Variants in ESPL1 observed in about 807,000 individuals in gnomAD.
ESPL1 encodes extra spindle pole bodies like 1, separase.
Under a neutral mutation model 217.2 loss-of-function variants are expected in ESPL1, and 50 were observed. That is an observed-to-expected ratio of 0.23 (90% confidence interval 0.18 to 0.29). The LOEUF is 0.29. Ranked by LOEUF, ESPL1 falls within the 10% of genes least tolerant of loss-of-function variation. The pLI, the probability that ESPL1 is intolerant of heterozygous loss-of-function variation, is 1.00. For missense variants in ESPL1, 1,834 were observed against 2,603.0 expected (o/e 0.70, Z 6.43); for synonymous variants, 994 against 1,081.3 (o/e 0.92, Z 1.58).
In ESPL1 at chr12:53,289,585, A is replaced by G. The variant is rs1565764756; in HGVS notation, c.5104A>G (p.Ile1702Val). The change falls in exon 22 of 31, where the codon ATC becomes GTC. Residue 1702 changes from isoleucine to valine, a missense_variant. Coordinates refer to ENST00000257934, the MANE Select transcript of ESPL1 (RefSeq NM_012291.5). ...GAGTTTCCAGGAGCGCCTGGCTCTGATCCCCAGTGGTATGCGGGCAGCCTT... is the reference window on the plus strand; with the variant it reads ...GAGTTTCCAGGAGCGCCTGGCTCTGGTCCCCAGTGGTATGCGGGCAGCCTT... ...KESFQERLALIPSGVTVCVLA... is the reference protein window; with the variant it reads ...KESFQERLALVPSGVTVCVLA... 1 of 1,613,498 alleles carries G rather than the reference A, an allele frequency of 6.2e-7. No individual in the cohort carries two copies.
Position 53,269,003 on chromosome 12 carries a change from C to G in ESPL1, c.82-21C>G. 1 of 1,592,058 alleles carries G rather than the reference C, an allele frequency of 6.3e-7. No homozygotes were observed. The highest frequency in any genetic ancestry group is 8.6e-7 in the Non-Finnish European group (1 of 1,162,862). On this transcript the variant is annotated intron_variant, in intron 2 of 30. Coordinates refer to ENST00000257934, the MANE Select transcript of ESPL1 (RefSeq NM_012291.5). This position sits in a 1 kb window ranked among gnomAD's most constrained non-coding sequence, Gnocchi z 6.7. ...CTTTCCTGCCTTTGCTAGCCCCATTCATATCTTTCTCTACTCCTAGGAGTT... is the reference window on the plus strand; with the variant it reads ...CTTTCCTGCCTTTGCTAGCCCCATTGATATCTTTCTCTACTCCTAGGAGTT...
At position 53,283,169 on chromosome 12, in the gene ESPL1, G is replaced by A; in HGVS notation, c.2832G>A (p.Lys944=). The change falls in exon 15 of 31, where the codon AAG becomes AAA. Residue 944 remains lysine, a synonymous_variant. Coordinates refer to ENST00000257934, the MANE Select transcript of ESPL1 (RefSeq NM_012291.5). ...AGATAGCTCTCATAGACTCCCATAA[G>A]CTCCTCCGAAGCATCATCCTCCTGC... The part of the protein sequence containing the change: ...TPEIALIDSH[K]LLRSIILLLM... 1 of 1,614,204 alleles carries A rather than the reference G, an allele frequency of 6.2e-7. No individual in the cohort carries two copies. Among genetic ancestry groups the A allele is most frequent in the Non-Finnish European group, 8.5e-7 (1 of 1,180,034 alleles).
At chr12:53,283,932 G>A (rs1592489962) in intron 16 of ESPL1, 126 bp from the exon 17 acceptor site, 8 of 728,326 alleles carry the variant, frequency 1.1e-5, no homozygotes, top group African/African-American at 5.2e-5. Context: ...TCAGCTTAAG[G>A]GAGTGAATGC....
rs1943944065 is a variant in ESPL1 at position 53,286,179 on chromosome 12, G to T, written c.3443G>T (p.Cys1148Phe). 6.2e-7 allele frequency: 1 copy of T among 1,614,144 alleles called. No individual in the cohort carries two copies. Among genetic ancestry groups the T allele is most frequent in the Non-Finnish European group, 8.5e-7 (1 of 1,180,050 alleles). ...CTGTCCCATTCACCCACCTGTGACT[G>T]CTCGCTCTGCGCCAGCCCTGTCCTC... ...NFLSHSPTCD[C>F]SLCASPVLTA... The change falls in exon 18 of 31, where the codon TGC becomes TTC. Residue 1148 changes from cysteine to phenylalanine, a missense_variant. Cys to Phe is a radical substitution (Grantham distance 205, BLOSUM62 -2). Coordinates refer to ENST00000257934, the MANE Select transcript of ESPL1 (RefSeq NM_012291.5). This position sits in a 1 kb window ranked among gnomAD's most constrained non-coding sequence, Gnocchi z 5.3.
rs1351882896 is a variant in ESPL1, at chr12:53,293,013, C to T, written c.6161+43C>T. 1 of 1,546,276 alleles carries T rather than the reference C, an allele frequency of 6.5e-7. No homozygotes were observed. The highest frequency in any genetic ancestry group is 1.4e-5 in the African/African-American group (1 of 73,572). On this transcript the variant is annotated intron_variant, in intron 30 of 30. Coordinates refer to ENST00000257934, the MANE Select transcript of ESPL1 (RefSeq NM_012291.5). The surrounding 1 kb of genome is among the most constrained non-coding windows in gnomAD (Gnocchi z 4.2). ...AGACCCATCCTAGGGCATTAGGACT[C>T]CTGCCCTCACCCCAGGTTCTTTCCC...
In ESPL1 at chr12:53,292,434, GACA is replaced by G; in HGVS notation, c.5912+45_5912+47del. On this transcript the variant is annotated intron_variant, in intron 28 of 30. Transcript: ENST00000257934. The surrounding 1 kb of genome is among the most constrained non-coding windows in gnomAD (Gnocchi z 4.5). ...ACAAGAAGACGTGTGGGGAAGGGTA[GACA>G]ACATACAGGGGCAACAAGCCTTTTC... 1 of 1,487,318 alleles carries G rather than the reference GACA, an allele frequency of 6.7e-7. No homozygotes were observed. Among genetic ancestry groups the G allele is most frequent in the South Asian group, 1.1e-5 (1 of 88,534 alleles). 92.1% of individuals were successfully genotyped at this position (1,487,318 alleles called of 1,614,324 possible). A position where few individuals can be genotyped will look rare whatever the true frequency, so the allele number is the denominator to read the frequency against.
chr12:53,270,516 C>T (rs753886602), intron 4 of ESPL1, 34 bp downstream of exon 4: 1 of 1,577,416 alleles, frequency 6.3e-7, no homozygotes, highest in East Asian at 2.2e-5. Context: ...CTGGACTAGG[C>T]TCATAGGGTT....
chr12:53,278,281 T>A (rs1565756188), intron 11 of ESPL1, among the ~76,000 whole-genome samples: 1 of 151,942 alleles, frequency 6.6e-6, no homozygotes, highest in Non-Finnish European at 1.5e-5. Context: ...TTAGCTTTAG[T>A]CTGGGCAACA....
rs1389065000 is a variant in ESPL1, at chr12:53,282,240, C to T, written c.2620-24C>T. The T allele has an allele frequency of 1.2e-6, 2 of 1,611,612 alleles. No individual in the cohort carries two copies. The highest frequency in any genetic ancestry group is 1.7e-5 in the Admixed American group (1 of 59,962). On this transcript the variant is annotated intron_variant, in intron 13 of 30. Coordinates refer to ENST00000257934, the MANE Select transcript of ESPL1 (RefSeq NM_012291.5). The surrounding 1 kb of genome is among the most constrained non-coding windows in gnomAD (Gnocchi z 4.0). ...GGAGTGCCTGACTGCCTTACTGCCT[C>T]CTCTGGCTCCTTCTCTCCTTCAGGT...
chr12:53,284,219 A>T, intron 17 of ESPL1, 52 bp downstream of exon 17: 7 of 1,037,668 alleles, frequency 6.7e-6, no homozygotes, highest in Non-Finnish European at 1.1e-5. Flanking sequence ...GACACACACT[A>T]CAGCACATCT....
At chr12:53,281,679 G>T in intron 13 of ESPL1, 53 bp downstream of exon 13, 1 of 1,561,140 alleles carries the variant, frequency 6.4e-7, no homozygotes, top group Non-Finnish European at 8.8e-7. Context: ...AAAGAATTTA[G>T]GATTTTCTTG....
intron 6 of ESPL1, among the ~76,000 whole-genome samples, chr12:53,273,836 G>GTGTTTTT (rs1943717551): frequency 3.2e-5 from 2 of 63,154 alleles, no homozygotes; most frequent in African/African-American, 1.6e-4. Flanking sequence ...TGGTTTTTTG[G>GTGTTTTT]TTTTTTTTTT....
chr12:53,291,062 G>T, intron 25 of ESPL1, 66 bp downstream of exon 25: 2 of 1,416,006 alleles, frequency 1.4e-6, no homozygotes. Context: ...CAGCACTTTG[G>T]GAGGCCAAGG....
At chr12:53,274,720 C>T (rs1274784789) in intron 6 of ESPL1, 97 bp from the exon 7 acceptor site, 4 of 1,012,576 alleles carry the variant, frequency 4.0e-6, no homozygotes, top group Non-Finnish European at 6.0e-6. Flanking sequence ...ACCCCGCCCC[C>T]TCATGTGGTG....
chr12:53,285,024 A>AG (rs1233543150), intron 17 of ESPL1, among the ~76,000 whole-genome samples: 3 of 137,956 alleles, frequency 2.2e-5, no homozygotes, highest in South Asian at 2.2e-4. Flanking sequence ...AAAAAAAAAA[A>AG]AAAGAAGAAA....
At chr12:53,289,805 T>C (rs1944020373) in intron 22 of ESPL1, 1 of 609,056 alleles carries the variant, frequency 1.6e-6, no homozygotes, top group Non-Finnish European at 2.8e-6. Context: ...GTGTCTTTCC[T>C]CAGAGGTGAG....
intron 10 of ESPL1, 73 bp from the exon 11 acceptor site, chr12:53,277,748 T>C (rs962804111): frequency 2.5e-5 from 39 of 1,586,964 alleles, no homozygotes; most frequent in Non-Finnish European, 3.2e-5. Context: ...GGGCAGAGGA[T>C]GTTATGGAGG....
chr12:53,269,454 C>G lies in ESPL1; in HGVS notation c.512C>G (p.Ala171Gly). Residue 171 changes from alanine to glycine, a missense_variant, in exon 3 of 31, where the codon GCC becomes GGC. Transcript: ENST00000257934. The surrounding 1 kb of genome is among the most constrained non-coding windows in gnomAD (Gnocchi z 6.7). ...RRAAFAARLK[A>G]LSFLVLLEDE... is the part of the protein sequence containing the mutation. ...GCTGCATTTGCAGCTCGGCTGAAGG[C>G]CTTGAGCTTCCTAGTACTCTTGGAG... 1 of 1,614,126 alleles carries G rather than the reference C, an allele frequency of 6.2e-7. No homozygotes were observed. Among genetic ancestry groups the G allele is most frequent in the Admixed American group, 1.7e-5 (1 of 59,998 alleles).
rs376678136 is a variant in ESPL1 at position 53,278,441 on chromosome 12, A to T, written c.2364+481A>T. 1.1e-4 allele frequency among the ~76,000 whole-genome samples: 16 copies of T among 149,906 alleles called. No homozygotes were observed. The East Asian group carries it at 2.8e-3, about 26-fold the overall frequency. ...CAGTGAGCCAAGATCGCGCCACTGCACTCCATCCTGGGGGACAGAGCAAGA... is the reference window on the plus strand; with the variant it reads ...CAGTGAGCCAAGATCGCGCCACTGCTCTCCATCCTGGGGGACAGAGCAAGA... On this transcript the variant is annotated intron_variant, in intron 11 of 30. Coordinates refer to ENST00000257934, the MANE Select transcript of ESPL1 (RefSeq NM_012291.5).
Sources: allele counts gnomAD v4.1 joint callset (sites outside exome capture counted in the v4.1 genomes callset), GRCh38; gene constraint gnomAD v4.1.1; non-coding constraint Gnocchi (gnomAD v3.1); transcripts MANE v1.5; gene names NCBI Gene and HGNC (gene_info 2026-07-23, HGNC 2026-07-21).